Variants in KIAA1671 observed in about 807,000 individuals in gnomAD.
The protein encoded by KIAA1671 is uncharacterized protein KIAA1671.
A neutral mutation model predicts 131.2 loss-of-function variants in KIAA1671; 52 were observed. The observed-to-expected ratio is 0.40, with a 90% CI of 0.32 to 0.50. KIAA1671 has a LOEUF of 0.50. KIAA1671 is among the 20% of genes least tolerant of loss of function. The pLI is 0.73. For synonymous variants in KIAA1671, 1,003 were observed against 961.6 expected (o/e 1.04, Z -0.80); for missense variants, 2,360 against 2,364.2 (o/e 1.00, Z 0.04).
chr22:24,990,952 CT>C (rs909001292), intron 1 of KIAA1671, among the ~76,000 whole-genome samples: 2 of 152,316 alleles, frequency 1.3e-5, no homozygotes, highest in Admixed American at 6.5e-5. Flanking sequence ...TGTCCCACCC[CT>C]GGCCCAGGGC....
chr22:25,044,773 G>A (rs964207170), intron 5 of KIAA1671, among the ~76,000 whole-genome samples: 14 of 152,216 alleles, frequency 9.2e-5, no homozygotes, highest in South Asian at 2.1e-4. Flanking sequence ...ATGTCCTTTC[G>A]GACTTTCCTA....
Position 25,143,101 on chromosome 22 carries a change from C to T in KIAA1671, c.4531-27719C>T, listed in dbSNP as rs561158870. Among the ~76,000 whole-genome samples, 7 of 152,342 alleles carry T rather than the reference C, an allele frequency of 4.6e-5. No homozygotes were observed. The East Asian group carries it at 1.4e-3, about 29-fold the overall frequency. On this transcript the variant is annotated intron_variant, in intron 6 of 12. Coordinates refer to ENST00000358431, the MANE Select transcript of KIAA1671 (RefSeq NM_001145206.2). ...TTCACCCTTTTCCCACGTCTATTTA[C>T]TCAGGTATTTTTCAGGCTCTCCCCG...
intron 5 of KIAA1671, among the ~76,000 whole-genome samples, chr22:25,047,921 A>G (rs960077771): frequency 3.4e-4 from 52 of 152,132 alleles, no homozygotes; most frequent in Non-Finnish European, 4.7e-4. Flanking sequence ...TTACACCTCT[A>G]TTTTCTTCTA....
chr22:25,177,147 C>T (rs1934060695), intron 8 of KIAA1671: 5 of 566,354 alleles, frequency 8.8e-6, no homozygotes, highest in Non-Finnish European at 1.5e-5. Flanking sequence ...TGACTTTTGT[C>T]ATCAGCCTAT....
chr22:25,040,811 G>C lies in KIAA1671; in HGVS notation c.3681G>C (p.Val1227=). Residue 1227 remains valine (V), a synonymous_variant, in exon 5 of 13, where the codon GTG becomes GTC. Transcript: ENST00000358431. ...GEAQERRSPT[V]EPSTLPRERP... is the part of the protein sequence containing the mutation. ...CTCAGGAGAGGAGGAGTCCCACCGT[G>C]GAGCCCAGTACGTTGCCTCGGGAGA... 6.4e-7 allele frequency: 1 copy of C among 1,551,732 alleles called. No homozygotes were observed. The highest frequency in any genetic ancestry group is 8.7e-7 in the Non-Finnish European group (1 of 1,147,022).
At chr22:25,068,038 C>T (rs73397848) in intron 6 of KIAA1671, among the ~76,000 whole-genome samples, 269 of 152,378 alleles carry the variant, frequency 1.8e-3, no homozygotes, top group African/African-American at 6.0e-3. Flanking sequence ...GCACTTTTGT[C>T]GGTCAGCAGG....
In KIAA1671 at chr22:25,000,432, A is replaced by G. The variant is rs1256295956; in HGVS notation, c.-207-25201A>G. 2.1e-5 allele frequency among the ~76,000 whole-genome samples: 2 copies of G among 94,752 alleles called. 1 individual carries two copies. Among genetic ancestry groups the G allele is most frequent in the Non-Finnish European group, 4.3e-5 (2 of 46,598 alleles). 62.2% of individuals were successfully genotyped at this position (94,752 alleles called of 152,430 possible). On this transcript the variant is annotated intron_variant, in intron 1 of 12. Coordinates refer to ENST00000358431, the MANE Select transcript of KIAA1671 (RefSeq NM_001145206.2). ...ATGGTCTCGATCTCCTGACCTCGTG[A>G]TCCGCCCGCCTCGGCCTCCCAAAGT...
chr22:25,068,527 A>C (rs984679776), intron 6 of KIAA1671, among the ~76,000 whole-genome samples: 18 of 151,818 alleles, frequency 1.2e-4, no homozygotes, highest in Non-Finnish European at 1.9e-4. Context: ...AGCTCCGCCT[A>C]CCGGGTTCAC....
chr22:25,170,768 G>A, intron 6 of KIAA1671, 52 bp from the exon 7 acceptor site: 1 of 1,517,178 alleles, frequency 6.6e-7, no homozygotes, highest in Non-Finnish European at 9.0e-7. Flanking sequence ...CCGGGACGGG[G>A]GTTCTGAGTA....
At chr22:25,004,471 T>A (rs2123866640) in intron 1 of KIAA1671, among the ~76,000 whole-genome samples, 1 of 152,300 alleles carries the variant, frequency 6.6e-6, no homozygotes, top group East Asian at 1.9e-4. Context: ...TTTATTGATT[T>A]GGCTAATACA....
intron 6 of KIAA1671, among the ~76,000 whole-genome samples, chr22:25,097,682 G>A (rs1331684380): frequency 6.6e-6 from 1 of 151,850 alleles, no homozygotes; most frequent in Non-Finnish European, 1.5e-5. Flanking sequence ...GGAGCTTGCA[G>A]TGAGCCGAGA....
intron 6 of KIAA1671, chr22:25,070,203 T>G: frequency 2.6e-6 from 1 of 391,284 alleles, no homozygotes; most frequent in East Asian, 3.7e-5. Flanking sequence ...GCCGTGGCCA[T>G]TAGTGGAGCC....
intron 6 of KIAA1671, chr22:25,057,746 A>C (rs2145831158): frequency 6.6e-6 from 1 of 151,010 alleles, no homozygotes; most frequent in East Asian, 2.0e-4. Context: ...GGCTCAAGCG[A>C]TCCTTCTGCC....
At chr22:25,154,343 A>G (rs1933152341) in intron 6 of KIAA1671, among the ~76,000 whole-genome samples, 1 of 152,156 alleles carries the variant, frequency 6.6e-6, no homozygotes. Flanking sequence ...AGGACCTAAC[A>G]CCCATATGAT....
In KIAA1671 at chr22:25,065,830, G is replaced by A. The variant is rs183336981; in HGVS notation, c.4530+16466G>A. Among the ~76,000 whole-genome samples, 243 of 151,972 alleles carry A rather than the reference G, an allele frequency of 1.6e-3. 1 individual carries two copies. The highest frequency in any genetic ancestry group is 5.7e-3 in the African/African-American group (236 of 41,426). ...AATTTTTGTACTTTTTAGTAGAGAC[G>A]GGGTTTCAACATATTGTCCAGGTTG... On this transcript the variant is annotated intron_variant, in intron 6 of 12. Coordinates refer to ENST00000358431, the MANE Select transcript of KIAA1671 (RefSeq NM_001145206.2).
intron 1 of KIAA1671, chr22:25,015,014 G>A (rs1014211723): frequency 1.3e-5 from 2 of 152,158 alleles, no homozygotes; most frequent in South Asian, 2.1e-4. Context: ...CAGAGTCATG[G>A]ATAAAGGCTC....
chr22:25,073,442 T>G (rs1347800517), intron 6 of KIAA1671, among the ~76,000 whole-genome samples: 1 of 152,236 alleles, frequency 6.6e-6, no homozygotes, highest in Non-Finnish European at 1.5e-5. Flanking sequence ...TGTTTTGGTA[T>G]ATATACATAT....
chr22:25,042,430 G>A (rs1320979437), intron 5 of KIAA1671, among the ~76,000 whole-genome samples: 1 of 150,250 alleles, frequency 6.7e-6, no homozygotes, highest in Non-Finnish European at 1.5e-5. Flanking sequence ...TCAAAAGAGG[G>A]ATCACCATGG....
chr22:25,002,336 C>G (rs1471895539), intron 1 of KIAA1671, among the ~76,000 whole-genome samples: 1 of 152,088 alleles, frequency 6.6e-6, no homozygotes, highest in East Asian at 1.9e-4. Flanking sequence ...TTTTGGGGAG[C>G]TGACTCTGGC....
Sources: gnomAD v4.1 joint callset for allele counts (sites outside exome capture counted in the v4.1 genomes callset) on GRCh38, gnomAD v4.1.1 for gene constraint, MANE v1.5 for transcripts, NCBI Gene and HGNC (gene_info 2026-07-23, HGNC 2026-07-21) for gene names.